The following REV1 variants were observed in gnomAD, a reference collection of about 807,000 sequenced individuals.
REV1 encodes the protein translesion synthesis protein REV1.
In REV1, 42 loss-of-function variants were observed where a neutral mutation model predicts 137.4. The observed-to-expected ratio is 0.31, with a 90% CI of 0.24 to 0.40. The LOEUF (loss-of-function observed/expected upper bound fraction) is 0.40. REV1 is among the 10% of genes least tolerant of loss of function. The probability of loss-of-function intolerance (pLI) is 1.00; values close to 1 mark genes in which losing one functional copy is unlikely to be tolerated. For synonymous variants in REV1, 524 were observed against 519.2 expected, an observed-to-expected ratio of 1.01 and a Z score of -0.12; for missense variants, 1,282 against 1,490.1, an observed-to-expected ratio of 0.86 and a Z score of 2.30.
rs139233630 is a variant in REV1 at position 99,404,587 on chromosome 2, C to A, written c.2902G>T (p.Asp968Tyr). The change falls in exon 18 of 23, where the codon GAC becomes TAC. Residue 968 changes from aspartate (D) to tyrosine (Y), a missense_variant. Around this residue, in one of 7 missense-constraint regions of REV1, gnomAD observed 135 missense variants for 123.3 expected, o/e 1.10. Transcript: ENST00000258428. Reference protein sequence around the residue: ...CAVQQAESHGDKKKEPVNGCN... With the variant: ...CAVQQAESHGYKKKEPVNGCN... Reference sequence around the variant, plus strand: ...CCATTTACTGGTTCTTTCTTTTTGTCGCCATGTGACTCTGCTTGCTGGACA... The same window carrying A: ...CCATTTACTGGTTCTTTCTTTTTGTAGCCATGTGACTCTGCTTGCTGGACA... 6 of 1,613,968 alleles carry A rather than the reference C, an allele frequency of 3.7e-6. No individual in the cohort carries two copies. The highest frequency in any genetic ancestry group is 4.2e-6 in the Non-Finnish European group (5 of 1,179,962).
chr2:99,440,322 G>A (rs143202740), intron 5 of REV1, among the ~76,000 whole-genome samples: 51 of 152,300 alleles, frequency 3.3e-4, no homozygotes, highest in African/African-American at 1.2e-3. Context: ...CAATTACAGC[G>A]CAGGCTCCAG....
rs1228016506 is a variant in REV1 at position 99,424,194 on chromosome 2, G to A, written c.1634C>T (p.Ala545Val). 2 of 1,613,816 alleles carry A rather than the reference G, an allele frequency of 1.2e-6. No individual in the cohort carries two copies. Among genetic ancestry groups the A allele is most frequent in the Non-Finnish European group, 1.7e-6 (2 of 1,179,760 alleles). ...NLQAVPYDFH[A>V]YKEVAQTLYE... ...CAATGTTTGTGCGACTTCCTTATAT[G>A]CATGAAAATCGTATGGAACAGCTTG... is the stretch of plus-strand genomic sequence containing the variant. Residue 545 changes from alanine (A) to valine (V), a missense_variant, in exon 10 of 23, where the codon GCA becomes GTA. Physicochemically the swap from Ala to Val is moderately conservative, Grantham distance 64. Coordinates refer to ENST00000258428, the MANE Select transcript of REV1 (RefSeq NM_016316.4).
At chr2:99,485,151 A>G (rs1334049481) in intron 1 of REV1, among the ~76,000 whole-genome samples, 1 of 152,242 alleles carries the variant, frequency 6.6e-6, no homozygotes, top group Non-Finnish European at 1.5e-5. Context: ...ACAAAGAAGC[A>G]TTTTACTAAG....
chr2:99,407,899 G>A (rs1032909800), intron 15 of REV1, 130 bp downstream of exon 15: 20 of 452,452 alleles, frequency 4.4e-5, no homozygotes, highest in Non-Finnish European at 7.0e-5. Flanking sequence ...TCTTTTCCTT[G>A]TATTACAAAG....
At chr2:99,409,860 C>G (rs1175688800) in intron 14 of REV1, among the ~76,000 whole-genome samples, 1 of 132,256 alleles carries the variant, frequency 7.6e-6, no homozygotes, top group African/African-American at 2.6e-5. Context: ...ACAACCCCCC[C>G]CCCCCCCAAA....
chr2:99,434,193 A>G (rs1212571719), intron 8 of REV1, 139 bp downstream of exon 8: 1 of 494,392 alleles, frequency 2.0e-6, no homozygotes, highest in Non-Finnish European at 3.6e-6. Flanking sequence ...AAAACCTAAC[A>G]GTGACATCCT....
chr2:99,421,194 C>CTAG (rs1678619681), intron 11 of REV1, among the ~76,000 whole-genome samples: 1 of 152,012 alleles, frequency 6.6e-6, no homozygotes, highest in Admixed American at 6.6e-5. Context: ...CCCATACCAC[C>CTAG]ACCTAGCTTT....
rs374819675 is a variant in REV1, at chr2:99,438,815, G to T, written c.999C>A (p.Ser333Arg). 1 of 1,614,252 alleles carries T rather than the reference G, an allele frequency of 6.2e-7. No homozygotes were observed. The highest frequency in any genetic ancestry group is 1.3e-5 in the African/African-American group (1 of 75,070). Residue 333 changes from serine (S) to arginine (R), a missense_variant, in exon 6 of 23, where the codon AGC becomes AGA. Ser to Arg is a moderately radical substitution (Grantham distance 110, BLOSUM62 -1). This residue lies in a region of REV1 where 432 missense variants were observed against 438.0 expected (regional missense o/e 0.99). Transcript: ENST00000258428. ...TGGATGGCACTGAAGGTGCTGCCTT[G>T]CTAAACGTAGATACTGAAGAAGTGC... ...TKSTSSVSTFSKAAPSVPSKP... is the reference protein window; with the variant it reads ...TKSTSSVSTFRKAAPSVPSKP...
chr2:99,468,283 A>C (rs1056579131), intron 1 of REV1, among the ~76,000 whole-genome samples: 1 of 152,320 alleles, frequency 6.6e-6, no homozygotes, highest in East Asian at 1.9e-4. Flanking sequence ...TGCCTCTGTA[A>C]TAACATCCAG....
At chr2:99,489,503 G>T (rs1190490318) in intron 1 of REV1, among the ~76,000 whole-genome samples, 1 of 85,598 alleles carries the variant, frequency 1.2e-5, no homozygotes, top group Non-Finnish European at 2.3e-5. Flanking sequence ...GGGCCGCTGC[G>T]CCAGGGGTCG....
In REV1 at chr2:99,442,339, C is replaced by T. The variant is rs1476251485; in HGVS notation, c.481G>A (p.Ala161Thr). 6.3e-7 allele frequency: 1 copy of T among 1,595,810 alleles called. No individual in the cohort carries two copies. ...TACACCCTGTTGTTGAGCTGTTTGG[C>T]TATATTGCTTGGACCTGGCAGAGGA... ...EDPLPGPSNIAKQLNNRVNHI... is the reference protein window; with the variant it reads ...EDPLPGPSNITKQLNNRVNHI... Residue 161 changes from alanine to threonine, a missense_variant, in exon 5 of 23, where the codon GCC (alanine) becomes ACC (threonine). Ala to Thr is a moderately conservative substitution (Grantham distance 58, BLOSUM62 0). Around this residue, in one of 7 missense-constraint regions of REV1, gnomAD observed 432 missense variants for 438.0 expected, o/e 0.99. Transcript: ENST00000258428.
chr2:99,410,952 T>G, intron 13 of REV1, 85 bp from the exon 14 acceptor site: 2 of 1,270,152 alleles, frequency 1.6e-6, no homozygotes. Flanking sequence ...ACTTTGAATA[T>G]TAAACATGTT....
intron 1 of REV1, among the ~76,000 whole-genome samples, chr2:99,477,098 G>A (rs1467819536): frequency 6.6e-6 from 1 of 152,110 alleles, no homozygotes; most frequent in East Asian, 1.9e-4. Flanking sequence ...CTCCACGATG[G>A]CAAAACGGCA....
chr2:99,478,597 G>C (rs1422702407), intron 1 of REV1, among the ~76,000 whole-genome samples: 5 of 152,156 alleles, frequency 3.3e-5, no homozygotes, highest in Non-Finnish European at 4.4e-5. Context: ...CAATAAATCA[G>C]GGATTCCAAA....
chr2:99,421,402 G>T, intron 11 of REV1, 97 bp downstream of exon 11: 2 of 1,186,322 alleles, frequency 1.7e-6, no homozygotes, highest in Non-Finnish European at 2.4e-6. Context: ...TTTTACAAGT[G>T]AGAGGAAGCT....
intron 3 of REV1, among the ~76,000 whole-genome samples, chr2:99,454,662 T>C (rs1683342881): frequency 6.6e-6 from 1 of 151,184 alleles, no homozygotes; most frequent in Non-Finnish European, 1.5e-5. Context: ...GGAAGATCCG[T>C]TGAGCTCAGG....
chr2:99,474,011 A>G (rs930794841), intron 1 of REV1, among the ~76,000 whole-genome samples: 1 of 152,208 alleles, frequency 6.6e-6, no homozygotes, highest in Admixed American at 6.5e-5. Context: ...TATTGCAGAA[A>G]ATTGGAAAAT....
chr2:99,415,329 A>G (rs534001120), intron 12 of REV1, among the ~76,000 whole-genome samples: 2 of 152,326 alleles, frequency 1.3e-5, no homozygotes, highest in East Asian at 1.9e-4. Flanking sequence ...CTCAACGAAG[A>G]GAGAGTCAAG....
chr2:99,485,723 ATTTT>A (rs1224568749), intron 1 of REV1, among the ~76,000 whole-genome samples: 1 of 152,220 alleles, frequency 6.6e-6, no homozygotes, highest in African/African-American at 2.4e-5. Flanking sequence ...TCAACAGTTT[ATTTT>A]TTAATTTGCT....
Sources: gnomAD v4.1 joint callset for allele counts (sites outside exome capture counted in the v4.1 genomes callset) on GRCh38, gnomAD v4.1.1 for gene constraint, gnomAD v4.1.1 regional missense constraint, MANE v1.5 for transcripts, NCBI Gene and HGNC (gene_info 2026-07-23, HGNC 2026-07-21) for gene names.